FRMD6: variants seen among roughly 807,000 people sequenced by gnomAD.
FRMD6 encodes FERM domain-containing protein 6.
A neutral mutation model predicts 73.2 loss-of-function variants in FRMD6; 37 were observed. The observed-to-expected ratio is 0.51, with a 90% CI of 0.39 to 0.66. The LOEUF (loss-of-function observed/expected upper bound fraction) is 0.66, where lower values mean the gene tolerates loss of function less well. Ranked by LOEUF, FRMD6 falls within the 30% of genes least tolerant of loss-of-function variation. The pLI is 0.00. For synonymous variants in FRMD6, 273 were observed against 282.2 expected (o/e 0.97, Z 0.33); for missense variants, 714 against 780.5 (o/e 0.91, Z 1.02).
At chr14:51,710,871 A>G (rs4243580) in intron 7 of FRMD6, among the ~76,000 whole-genome samples, 45,301 of 151,804 alleles carry the variant, frequency 0.3, 7,345 homozygotes, top group African/African-American at 0.42. Flanking sequence ...CCTTATGCTC[A>G]TTGTAGTTTA....
intron 2 of FRMD6, among the ~76,000 whole-genome samples, chr14:51,607,448 C>T (rs1890306744): frequency 1.3e-5 from 2 of 152,166 alleles, no homozygotes; most frequent in Non-Finnish European, 2.9e-5. Context: ...GGTGCCAACT[C>T]TAATGTTGAC....
chr14:51,573,672 A>G (rs1159701635), intron 2 of FRMD6, among the ~76,000 whole-genome samples: 1 of 152,178 alleles, frequency 6.6e-6, no homozygotes, highest in Non-Finnish European at 1.5e-5. Context: ...TTTGTATTCA[A>G]GTTATGGTGA....
chr14:51,720,124 G>A lies in FRMD6; in HGVS notation c.1094G>A (p.Arg365Gln), dbSNP rs542106517. 1.5e-5 allele frequency: 25 copies of A among 1,613,780 alleles called. No individual in the cohort carries two copies. The highest frequency in any genetic ancestry group is 3.3e-4 in the Middle Eastern group (2 of 6,062). The change falls in exon 11 of 14, where the codon CGG becomes CAG. Residue 365 changes from arginine to glutamine, a missense_variant. Coordinates refer to ENST00000344768, the MANE Select transcript of FRMD6 (RefSeq NM_001267046.2). ...LDLDMDQLEK[R>Q]SRASGSSAGS... ...CTCGACATGGACCAGCTGGAAAAAC[G>A]GTCGCGGGCCAGCGGGAGCAGTGCG...
intron 2 of FRMD6, among the ~76,000 whole-genome samples, chr14:51,603,731 A>G (rs1174472885): frequency 6.6e-6 from 1 of 152,140 alleles, no homozygotes; most frequent in African/African-American, 2.4e-5. Context: ...AGTGCTTGCT[A>G]TCTCTGAACC....
intron 3 of FRMD6, 60 bp from the exon 4 acceptor site, chr14:51,700,995 TA>T (rs1257002380): frequency 2.7e-5 from 21 of 770,862 alleles, no homozygotes; most frequent in African/African-American, 2.6e-4. Flanking sequence ...TTTCTTTCTA[TA>T]TTTTTTTTCT....
chr14:51,492,694 A>C (rs1883087444), intron 1 of FRMD6, among the ~76,000 whole-genome samples: 6 of 152,258 alleles, frequency 3.9e-5, no homozygotes, highest in Admixed American at 2.0e-4. Flanking sequence ...GAAAGGAAGA[A>C]GACTAATATT....
intron 1 of FRMD6, among the ~76,000 whole-genome samples, chr14:51,503,852 TG>T (rs1190826848): frequency 1.6e-5 from 2 of 123,746 alleles, no homozygotes; most frequent in African/African-American, 6.6e-5. Context: ...TGTTTGGTTT[TG>T]GGTTTTTTTT....
chr14:51,503,229 C>G (rs867296934), intron 1 of FRMD6, among the ~76,000 whole-genome samples: 1 of 152,128 alleles, frequency 6.6e-6, no homozygotes, highest in South Asian at 2.1e-4. Context: ...ACTTCCAATA[C>G]TATGTTGAAT....
At chr14:51,698,378 G>A (rs111333361) in intron 3 of FRMD6, 146 bp downstream of exon 3, 10 of 440,288 alleles carry the variant, frequency 2.3e-5, no homozygotes, top group African/African-American at 2.0e-4. Flanking sequence ...TAGTGTAGGT[G>A]TAGTATTTAA....
At chr14:51,470,924 T>A in the FRMD6 span, among the ~76,000 whole-genome samples, 2 of 152,248 alleles carry the variant, frequency 1.3e-5, no homozygotes, top group African/African-American at 4.8e-5. Context: ...GGCCTATTTT[T>A]AAAAATGTAT....
the FRMD6 span, among the ~76,000 whole-genome samples, chr14:51,412,573 C>CG: frequency 6.6e-6 from 1 of 152,120 alleles, no homozygotes; most frequent in African/African-American, 2.4e-5. Context: ...ACGGACAGGC[C>CG]GGGCGCGGTG....
At chr14:51,494,676 CA>C (rs1393361632) in intron 1 of FRMD6, among the ~76,000 whole-genome samples, 2 of 152,182 alleles carry the variant, frequency 1.3e-5, no homozygotes, top group Admixed American at 1.3e-4. Flanking sequence ...GCCTCACCCC[CA>C]TGGCTGCACT....
intron 10 of FRMD6, among the ~76,000 whole-genome samples, chr14:51,717,887 C>T (rs745819962): frequency 4.3e-4 from 65 of 152,226 alleles, no homozygotes; most frequent in Non-Finnish European, 6.3e-4. Context: ...ACATGCCTTG[C>T]GTCATTTAAA....
chr14:51,624,554 A>T (rs1002428302), intron 2 of FRMD6, among the ~76,000 whole-genome samples: 2 of 152,116 alleles, frequency 1.3e-5, no homozygotes, highest in Non-Finnish European at 2.9e-5. Context: ...TAAAAACAAG[A>T]TGAATGTGTA....
At chr14:51,657,757 T>C (rs960339054) in intron 1 of FRMD6, among the ~76,000 whole-genome samples, 1 of 152,086 alleles carries the variant, frequency 6.6e-6, no homozygotes, top group Non-Finnish European at 1.5e-5. Context: ...AAAAAAGCAA[T>C]CTTAAGAAAA....
chr14:51,564,553 G>A (rs2139536129), intron 1 of FRMD6, among the ~76,000 whole-genome samples: 1 of 152,236 alleles, frequency 6.6e-6, no homozygotes, highest in African/African-American at 2.4e-5. Context: ...ACCAAGGGTG[G>A]CTTTGACAGA....
At chr14:51,507,690 C>T (rs1884051667) in intron 1 of FRMD6, among the ~76,000 whole-genome samples, 1 of 152,052 alleles carries the variant, frequency 6.6e-6, no homozygotes, top group South Asian at 2.1e-4. Context: ...CATAGAGTGC[C>T]TGCTGATTTC....
chr14:51,594,111 G>A (rs1216535434), intron 2 of FRMD6, among the ~76,000 whole-genome samples: 1 of 151,940 alleles, frequency 6.6e-6, no homozygotes, highest in East Asian at 1.9e-4. Context: ...CTAAGAACAA[G>A]AAATGAGTAC....
At chr14:51,590,234 C>T (rs75255227) in intron 2 of FRMD6, among the ~76,000 whole-genome samples, 6,705 of 152,228 alleles carry the variant, frequency 0.044, 496 homozygotes, top group African/African-American at 0.15. Flanking sequence ...TGTCATGACA[C>T]TGCAAAGAGG....
Sources: gnomAD v4.1 joint callset for allele counts (sites outside exome capture counted in the v4.1 genomes callset) on GRCh38, gnomAD v4.1.1 for gene constraint, MANE v1.5 for transcripts, NCBI Gene and HGNC (gene_info 2026-07-23, HGNC 2026-07-21) for gene names.